Variants in IL7 observed in about 807,000 individuals in gnomAD.
The protein encoded by IL7 is interleukin-7.
In IL7, 3 loss-of-function variants were observed where a neutral mutation model predicts 21.6. The observed-to-expected ratio is 0.14, with a 90% CI of 0.06 to 0.36. The LOEUF is 0.36. Among genes scored for constraint, IL7 ranks in the 10% least tolerant of loss-of-function variants. IL7 has a pLI of 1.00. For synonymous variants in IL7, 62 were observed against 68.1 expected (o/e 0.91, Z 0.44); for missense variants, 175 against 200.2 (o/e 0.87, Z 0.76).
At chr8:78,683,693 C>T (rs1272948403) in intron 4 of IL7, among the ~76,000 whole-genome samples, 2 of 152,144 alleles carry the variant, frequency 1.3e-5, no homozygotes, top group African/African-American at 4.8e-5. Flanking sequence ...TTACTTGTTA[C>T]TCATGCAAAT....
chr8:78,797,923 T>A, intron 2 of IL7, 149 bp downstream of exon 2: 1 of 508,024 alleles, frequency 2.0e-6, no homozygotes, highest in Admixed American at 3.5e-5. Flanking sequence ...GCTATAAAAA[T>A]ATACAGTTAG....
chr8:78,715,023 T>C (rs1366089297), downstream of IL7, among the ~76,000 whole-genome samples: 1 of 152,202 alleles, frequency 6.6e-6, no homozygotes, highest in Admixed American at 6.5e-5. Context: ...CAGAATAGTA[T>C]TAGTAAATGC....
At chr8:78,778,335 A>G (rs1325290628) in intron 2 of IL7, among the ~76,000 whole-genome samples, 1 of 152,084 alleles carries the variant, frequency 6.6e-6, no homozygotes, top group Non-Finnish European at 1.5e-5. Context: ...TAAGAACTAT[A>G]CATTCTTCAA....
downstream of IL7, among the ~76,000 whole-genome samples, chr8:78,729,613 A>T (rs1013694692): frequency 2.0e-5 from 3 of 151,942 alleles, no homozygotes; most frequent in African/African-American, 4.8e-5. Context: ...GGCAAGAAGG[A>T]GATGACGGGG....
chr8:78,764,722 A>G (rs1812697270), intron 2 of IL7, among the ~76,000 whole-genome samples: 1 of 152,158 alleles, frequency 6.6e-6, no homozygotes, highest in East Asian at 1.9e-4. Context: ...TCATGGGTAG[A>G]AAGACTCAAT....
At chr8:78,794,186 A>G (rs886471801) in intron 2 of IL7, among the ~76,000 whole-genome samples, 4 of 152,130 alleles carry the variant, frequency 2.6e-5, no homozygotes, top group Non-Finnish European at 5.9e-5. Flanking sequence ...AAGGACATCT[A>G]CTACAGAACA....
At chr8:78,675,950 G>A (rs569778804) in exon 5 of IL7, 28 of 1,194,006 alleles carry the variant, frequency 2.3e-5, no homozygotes, top group Admixed American at 1.3e-4. Flanking sequence ...AAGAATTTAC[G>A]TGGAATAGTT....
chr8:78,765,637 T>G (rs1368600192), intron 2 of IL7, among the ~76,000 whole-genome samples: 1 of 152,030 alleles, frequency 6.6e-6, no homozygotes, highest in Non-Finnish European at 1.5e-5. Flanking sequence ...TGAGATACCA[T>G]GACACCCTAT....
chr8:78,791,835 A>T (rs1396548619), intron 2 of IL7, among the ~76,000 whole-genome samples: 1 of 152,078 alleles, frequency 6.6e-6, no homozygotes, highest in Non-Finnish European at 1.5e-5. Context: ...CATACTTACT[A>T]GTATATGGAG....
At chr8:78,686,955 T>C (rs1810000117) in intron 3 of IL7, among the ~76,000 whole-genome samples, 1 of 152,178 alleles carries the variant, frequency 6.6e-6, no homozygotes, top group South Asian at 2.1e-4. Context: ...AGGAGTCATA[T>C]AATTATGTTG....
chr8:78,699,832 G>T (rs1416455386), intron 3 of IL7, among the ~76,000 whole-genome samples: 1 of 152,138 alleles, frequency 6.6e-6, no homozygotes, highest in Admixed American at 6.6e-5. Context: ...GTATTCCATG[G>T]TGTTTATGTA....
At chr8:78,772,683 C>T (rs1812999129) in intron 2 of IL7, among the ~76,000 whole-genome samples, 1 of 152,116 alleles carries the variant, frequency 6.6e-6, no homozygotes, top group Non-Finnish European at 1.5e-5. Context: ...TTTCTCATCA[C>T]AAAAACATCG....
rs551532602 is a variant in IL7 at position 78,704,152 on chromosome 8, C to A, written n.214+17196G>T. ...ATCCCAGCACTTTGGGAGACCGAGG[C>A]GAGCGGATCACCTGAGGTCAGGAGT... On this transcript the variant is annotated intron_variant and non_coding_transcript_variant, in intron 3 of 4. Transcript: ENST00000523959. 9.1e-4 allele frequency among the ~76,000 whole-genome samples: 138 copies of A among 152,014 alleles called. 4 individuals carry two copies. In the South Asian group the frequency reaches 0.011, roughly 12 times the overall value.
chr8:78,744,950 C>G (rs1025169340), intron 2 of IL7, among the ~76,000 whole-genome samples: 1 of 152,142 alleles, frequency 6.6e-6, no homozygotes, highest in Non-Finnish European at 1.5e-5. Flanking sequence ...GGCTGTCGTC[C>G]TGCCTTTGTT....
intron 3 of IL7, among the ~76,000 whole-genome samples, chr8:78,705,576 A>G (rs1444690789): frequency 6.6e-6 from 1 of 152,060 alleles, no homozygotes; most frequent in Non-Finnish European, 1.5e-5. Context: ...CCTGCTTAAT[A>G]AAGCAGTCTG....
At chr8:78,747,479 G>A (rs1225324470) in intron 2 of IL7, among the ~76,000 whole-genome samples, 2 of 152,108 alleles carry the variant, frequency 1.3e-5, no homozygotes, top group Non-Finnish European at 2.9e-5. Flanking sequence ...CCATGGCCTT[G>A]TGCCATCTGA....
downstream of IL7, among the ~76,000 whole-genome samples, chr8:78,716,251 T>C (rs1255149209): frequency 6.6e-6 from 1 of 151,240 alleles, no homozygotes; most frequent in African/African-American, 2.4e-5. Flanking sequence ...GCCTCCCGAG[T>C]AGCTGGGACT....
At chr8:78,696,209 T>C (rs1391306555) in intron 3 of IL7, among the ~76,000 whole-genome samples, 3 of 152,216 alleles carry the variant, frequency 2.0e-5, no homozygotes, top group Non-Finnish European at 4.4e-5. Context: ...TAATTTTTTG[T>C]ATTTTTAGTA....
At chr8:78,755,636 T>C (rs993230076) in intron 2 of IL7, among the ~76,000 whole-genome samples, 7 of 151,930 alleles carry the variant, frequency 4.6e-5, no homozygotes, top group Non-Finnish European at 1.0e-4. Context: ...CTTCAGCTAG[T>C]TCATTATGAT....
Sources: gnomAD v4.1 joint callset for allele counts (sites outside exome capture counted in the v4.1 genomes callset) on GRCh38, gnomAD v4.1.1 for gene constraint, MANE v1.5 for transcripts, NCBI Gene and HGNC (gene_info 2026-07-23, HGNC 2026-07-21) for gene names.